IPO7: variants seen among roughly 807,000 people sequenced by gnomAD.
IPO7 encodes importin 7.
In IPO7, 13 loss-of-function variants were observed where a neutral mutation model predicts 136.4. The observed-to-expected ratio is 0.10, with a 90% confidence interval of 0.06 to 0.15. The LOEUF is 0.15. IPO7 is among the 10% of genes least tolerant of loss of function. The pLI, the probability that IPO7 is intolerant of heterozygous loss-of-function variation, is 1.00. For synonymous variants in IPO7, 403 were observed against 404.4 expected (o/e 1.00, Z 0.04); for missense variants, 857 against 1,240.6 (o/e 0.69, Z 4.65).
At chr11:9,407,830 G>A (rs1470876817) in intron 2 of IPO7, among the ~76,000 whole-genome samples, 1 of 152,136 alleles carries the variant, frequency 6.6e-6, no homozygotes, top group Non-Finnish European at 1.5e-5. Flanking sequence ...CTCTCTGAAA[G>A]TGCTGGGTAA....
At chr11:9,422,347 C>T (rs2133749726) in intron 8 of IPO7, among the ~76,000 whole-genome samples, 1 of 151,544 alleles carries the variant, frequency 6.6e-6, no homozygotes, top group South Asian at 2.1e-4. Flanking sequence ...GGCATCAGAA[C>T]ATTTAACACC....
intron 4 of IPO7, among the ~76,000 whole-genome samples, chr11:9,410,605 C>T (rs1211072502): frequency 6.6e-6 from 1 of 151,956 alleles, no homozygotes; most frequent in Admixed American, 6.6e-5. Flanking sequence ...CATATTTAAG[C>T]AGATTATAGT....
At chr11:9,397,365 T>TA (rs1564992067) in intron 1 of IPO7, among the ~76,000 whole-genome samples, 1 of 94,744 alleles carries the variant, frequency 1.1e-5, no homozygotes, top group Non-Finnish European at 2.0e-5. Context: ...TATATATATA[T>TA]TAGTCGGGCA....
At chr11:9,444,317 A>G (rs1855498303) in intron 24 of IPO7, among the ~76,000 whole-genome samples, 2 of 151,428 alleles carry the variant, frequency 1.3e-5, no homozygotes, top group Admixed American at 6.6e-5. Flanking sequence ...TAGGTTATAC[A>G]CCATTGTTAA....
chr11:9,405,624 TATTGTCCAGGCTG>T, intron 2 of IPO7, among the ~76,000 whole-genome samples: 1 of 152,036 alleles, frequency 6.6e-6, no homozygotes, highest in Admixed American at 6.5e-5. Flanking sequence ...CGTCCTGCCA[TATTGTCCAGGCTG>T]GTCTCAAGCT....
chr11:9,431,930 G>A (rs1191285497), intron 16 of IPO7, among the ~76,000 whole-genome samples: 9 of 152,070 alleles, frequency 5.9e-5, no homozygotes, highest in South Asian at 4.1e-4. Flanking sequence ...AGCATAGATC[G>A]CGCCACTGCA....
At chr11:9,433,884 C>G in intron 18 of IPO7, 38 bp downstream of exon 18, 1 of 1,571,904 alleles carries the variant, frequency 6.4e-7, no homozygotes, top group Non-Finnish European at 8.6e-7. Flanking sequence ...AGGGTTTTCC[C>G]TGCTTTGATT....
At chr11:9,416,771 A>C (rs531787348) in intron 5 of IPO7, among the ~76,000 whole-genome samples, 4 of 152,354 alleles carry the variant, frequency 2.6e-5, no homozygotes, top group African/African-American at 9.6e-5. Context: ...AACTGTTAGA[A>C]TCCTAGAACA....
At chr11:9,435,429 G>C (rs1331723110) in intron 19 of IPO7, among the ~76,000 whole-genome samples, 1 of 152,158 alleles carries the variant, frequency 6.6e-6, no homozygotes, top group Non-Finnish European at 1.5e-5. Flanking sequence ...CCTTTTGTTT[G>C]GTTGGGGAAA....
intron 1 of IPO7, among the ~76,000 whole-genome samples, chr11:9,397,394 A>C (rs2133724749): frequency 1.6e-5 from 2 of 121,628 alleles, no homozygotes; most frequent in East Asian, 2.6e-4. Flanking sequence ...GGTGCCTGTA[A>C]ATTTTTTTAA....
Position 9,420,516 on chromosome 11 carries a change from C to G in IPO7, c.821+11C>G. The G allele has an allele frequency of 6.3e-7, 1 of 1,587,816 alleles. No homozygotes were observed. Among genetic ancestry groups the G allele is most frequent in the African/African-American group, 1.3e-5 (1 of 74,434 alleles). On this transcript the variant is annotated intron_variant, in intron 7 of 24. Transcript: ENST00000379719. The stretch of plus-strand genomic sequence containing the variant: ...AAGACTTTTTGAAAGGTAATCTCAT[C>G]CATATATGGTGATTTAAATTAATTT...
chr11:9,436,458 G>A (rs1423571116), intron 20 of IPO7, 92 bp downstream of exon 20: 2 of 776,914 alleles, frequency 2.6e-6, no homozygotes, highest in Non-Finnish European at 2.1e-6. Context: ...TGCATATTCT[G>A]TATGTTTTTG....
intron 1 of IPO7, among the ~76,000 whole-genome samples, chr11:9,390,110 C>G (rs1230334113): frequency 6.6e-5 from 10 of 152,082 alleles, no homozygotes; most frequent in Admixed American, 6.6e-4. Flanking sequence ...AGGCTGGTCT[C>G]GAACTCCTGA....
intron 6 of IPO7, among the ~76,000 whole-genome samples, chr11:9,417,834 T>A (rs1414501283): frequency 6.7e-6 from 1 of 148,358 alleles, no homozygotes; most frequent in Non-Finnish European, 1.5e-5. Context: ...TGCCTCAGCC[T>A]CTCAAGTAGC....
intron 16 of IPO7, among the ~76,000 whole-genome samples, chr11:9,432,636 T>C (rs186838491): frequency 6.6e-6 from 1 of 152,266 alleles, no homozygotes; most frequent in East Asian, 1.9e-4. Flanking sequence ...GTTCTGTATA[T>C]TTGAAATGGA....
chr11:9,407,864 T>C (rs898396920), intron 2 of IPO7, among the ~76,000 whole-genome samples: 4 of 152,194 alleles, frequency 2.6e-5, no homozygotes, highest in African/African-American at 9.6e-5. Flanking sequence ...CAGCCTGGAT[T>C]TTACCACTTC....
In IPO7 at chr11:9,433,600, C is replaced by G; in HGVS notation, c.1912C>G (p.Gln638Glu). 6.2e-7 allele frequency: 1 copy of G among 1,612,478 alleles called. No homozygotes were observed. Among genetic ancestry groups the G allele is most frequent in the Non-Finnish European group, 8.5e-7 (1 of 1,179,838 alleles). The change falls in exon 17 of 25, where the codon CAG becomes GAG. Residue 638 changes from glutamine to glutamate, a missense_variant. Physicochemically the swap from Gln to Glu is conservative, Grantham distance 29. Around this residue, in one of 11 missense-constraint regions of IPO7, gnomAD observed 190 missense variants for 249.0 expected, o/e 0.76. Transcript: ENST00000379719. ...CCAACAGCTTGAGGGAATCTGCTTA[C>G]AGGTCATTGGTACTGTTTTACAACA... The part of the protein sequence containing the change: ...ITQQLEGICL[Q>E]VIGTVLQQHV...
At chr11:9,395,033 G>A (rs1005606895) in intron 1 of IPO7, among the ~76,000 whole-genome samples, 31 of 152,066 alleles carry the variant, frequency 2.0e-4, no homozygotes, top group African/African-American at 6.3e-4. Flanking sequence ...AGCTTGAGAA[G>A]GGGACTACTG....
intron 12 of IPO7, among the ~76,000 whole-genome samples, chr11:9,428,081 C>T (rs989832715): frequency 1.3e-5 from 2 of 151,784 alleles, no homozygotes; most frequent in Non-Finnish European, 2.9e-5. Flanking sequence ...AATTGTGCCA[C>T]TGCACTCCAG....
Sources: allele counts gnomAD v4.1 joint callset (sites outside exome capture counted in the v4.1 genomes callset), GRCh38; gene constraint gnomAD v4.1.1; regional missense constraint gnomAD v4.1.1; transcripts MANE v1.5; gene names NCBI Gene and HGNC (gene_info 2026-07-23, HGNC 2026-07-21).